Variants in DOCK2 observed in about 807,000 individuals in gnomAD.
DOCK2 encodes the protein dedicator of cytokinesis 2, also known as dedicator of cytokinesis protein 2.
In DOCK2, 87 loss-of-function variants were observed where a neutral mutation model predicts 248.9. The ratio of observed to expected loss-of-function variants is 0.35; its 90% CI spans 0.29 to 0.42. The LOEUF (loss-of-function observed/expected upper bound fraction) is 0.42. Ranked by LOEUF, DOCK2 falls within the 10% of genes least tolerant of loss-of-function variation. The pLI is 1.00. For synonymous variants in DOCK2, 805 were observed against 821.6 expected, an observed-to-expected ratio of 0.98 and a Z score of 0.35; for missense variants, 1,747 against 2,300.2, an observed-to-expected ratio of 0.76 and a Z score of 4.92.
At chr5:169,640,201 C>T (rs1455170819) in intron 1 of DOCK2, among the ~76,000 whole-genome samples, 1 of 152,218 alleles carries the variant, frequency 6.6e-6, no homozygotes, top group African/African-American at 2.4e-5. Context: ...ACTGGGACTT[C>T]AGCATAAGAA....
At chr5:169,903,042 G>A (rs1382911977) in intron 27 of DOCK2, among the ~76,000 whole-genome samples, 3 of 151,856 alleles carry the variant, frequency 2.0e-5, no homozygotes, top group East Asian at 1.9e-4. Context: ...AGGTTGCAGT[G>A]AGCTGAGATC....
At chr5:169,842,621 T>G (rs1770054253) in intron 27 of DOCK2, among the ~76,000 whole-genome samples, 1 of 152,184 alleles carries the variant, frequency 6.6e-6, no homozygotes, top group Non-Finnish European at 1.5e-5. Context: ...ACCTCCTTTA[T>G]CTTTATTCCT....
intron 26 of DOCK2, among the ~76,000 whole-genome samples, chr5:169,814,625 A>G (rs1041372166): frequency 6.6e-6 from 1 of 152,242 alleles, no homozygotes; most frequent in African/African-American, 2.4e-5. Context: ...TGAAGGGTGC[A>G]TAGGAACTCT....
chr5:169,881,240 T>G (rs958010872), intron 27 of DOCK2: 1 of 740,006 alleles, frequency 1.4e-6, no homozygotes, highest in African/African-American at 1.8e-5. Flanking sequence ...AACCAGATGT[T>G]AACATTTCAT....
At chr5:169,982,377 G>C (rs1419469479) in intron 27 of DOCK2, among the ~76,000 whole-genome samples, 1 of 152,216 alleles carries the variant, frequency 6.6e-6, no homozygotes, top group East Asian at 1.9e-4. Context: ...GTGCATGAAA[G>C]GGTGTGGTTC....
rs543650448 is a variant in DOCK2, at chr5:170,064,688, G to A, written c.4468-2822G>A. Among the ~76,000 whole-genome samples, 362 of 139,616 alleles carry A rather than the reference G, an allele frequency of 2.6e-3. 3 individuals carry two copies. The highest frequency in any genetic ancestry group is 0.01 in the African/African-American group (352 of 34,974). 91.6% of individuals were successfully genotyped at this position (139,616 alleles called of 152,430 possible). A position where few individuals can be genotyped will look rare whatever the true frequency, so the allele number is the denominator to read the frequency against. Reference sequence around the variant, plus strand: ...GAAGAGAGAGGGAGAAAGGAACAGAGAACATATCCAAAGAAATGACAGAAA... The same window carrying A: ...GAAGAGAGAGGGAGAAAGGAACAGAAAACATATCCAAAGAAATGACAGAAA... On this transcript the variant is annotated intron_variant, in intron 44 of 51. Coordinates refer to ENST00000520908, the MANE Select transcript of DOCK2 (RefSeq NM_004946.3).
chr5:170,040,904 A>G (rs1756492193), intron 36 of DOCK2, 151 bp from the exon 37 acceptor site: 4 of 603,652 alleles, frequency 6.6e-6, no homozygotes, highest in Non-Finnish European at 5.6e-6. Flanking sequence ...AGGTGCTGTC[A>G]TTACCCACAC....
intron 34 of DOCK2, 54 bp downstream of exon 34, chr5:170,028,002 G>A: frequency 6.5e-7 from 1 of 1,532,758 alleles, no homozygotes; most frequent in Middle Eastern, 1.8e-4. Flanking sequence ...GGTGAGGCGG[G>A]AGGGCTCAGA....
At chr5:169,720,175 G>A (rs1473322917) in intron 22 of DOCK2, among the ~76,000 whole-genome samples, 1 of 152,150 alleles carries the variant, frequency 6.6e-6, no homozygotes. Flanking sequence ...AGTCTGAGTC[G>A]GGTATTCTAG....
At chr5:169,905,760 C>G (rs1774240391) in intron 27 of DOCK2, among the ~76,000 whole-genome samples, 1 of 152,194 alleles carries the variant, frequency 6.6e-6, no homozygotes, top group South Asian at 2.1e-4. Context: ...CCCAGGTGTG[C>G]AGGGCTCACC....
intron 27 of DOCK2, among the ~76,000 whole-genome samples, chr5:169,927,717 T>C (rs1357596915): frequency 6.6e-6 from 1 of 152,194 alleles, no homozygotes; most frequent in Admixed American, 6.5e-5. Context: ...CCCGAGTTCA[T>C]GCCATTCTCC....
chr5:169,919,617 T>C (rs58514428), intron 27 of DOCK2, among the ~76,000 whole-genome samples: 2,876 of 152,210 alleles, frequency 0.019, 90 homozygotes, highest in African/African-American at 0.066. Flanking sequence ...GTGAGAAGGG[T>C]TTCCCTGGCG....
chr5:169,795,793 T>G (rs1399183128), intron 25 of DOCK2, among the ~76,000 whole-genome samples: 1 of 152,152 alleles, frequency 6.6e-6, no homozygotes, highest in Non-Finnish European at 1.5e-5. Flanking sequence ...AGAGCAGAGC[T>G]GGATTTACAC....
chr5:169,760,673 A>G (rs1260009435), intron 24 of DOCK2, among the ~76,000 whole-genome samples: 1 of 152,168 alleles, frequency 6.6e-6, no homozygotes, highest in Non-Finnish European at 1.5e-5. Context: ...ATTCTCTGAC[A>G]CAGCTCCCTA....
chr5:170,070,111 C>T (rs951712171), intron 46 of DOCK2, among the ~76,000 whole-genome samples: 2 of 152,242 alleles, frequency 1.3e-5, no homozygotes, highest in African/African-American at 4.8e-5. Context: ...CTCAGACATT[C>T]GCCCACTCTG....
chr5:169,709,945 C>T (rs566162481), intron 15 of DOCK2, among the ~76,000 whole-genome samples: 7 of 152,304 alleles, frequency 4.6e-5, no homozygotes, highest in Admixed American at 1.3e-4. Context: ...GTGTCATATC[C>T]TGGGGCTAGG....
chr5:169,809,788 C>T (rs1005544463), intron 26 of DOCK2, among the ~76,000 whole-genome samples: 4 of 152,218 alleles, frequency 2.6e-5, no homozygotes, highest in African/African-American at 9.6e-5. Flanking sequence ...GTGCAGCACC[C>T]TCTCACTTCT....
chr5:170,082,700 G>T lies in DOCK2; in HGVS notation c.5431-96G>T, dbSNP rs1758076473. The T allele has an allele frequency of 4.1e-6, 6 of 1,479,520 alleles. 1 individual carries two copies. The East Asian group carries it at 1.4e-4, about 35-fold the overall frequency. 91.6% of individuals were successfully genotyped at this position (1,479,520 alleles called of 1,614,324 possible). ...TTCACTGGGCTTTGGGCAGGGGTCA[G>T]TGTTGAGGCCCTTGTGATTAGGACT... On this transcript the variant is annotated intron_variant, in intron 51 of 51. Transcript: ENST00000520908.
intron 46 of DOCK2, among the ~76,000 whole-genome samples, chr5:170,070,091 C>A (rs945584387): frequency 2.0e-5 from 3 of 152,260 alleles, no homozygotes; most frequent in African/African-American, 7.2e-5. Context: ...AGGCCCAGAG[C>A]AGCCCCCTCC....
Sources: gnomAD v4.1 joint callset for allele counts (sites outside exome capture counted in the v4.1 genomes callset) on GRCh38, gnomAD v4.1.1 for gene constraint, MANE v1.5 for transcripts, NCBI Gene and HGNC (gene_info 2026-07-23, HGNC 2026-07-21) for gene names.